Variants in DOCK2 observed in about 807,000 individuals in gnomAD.
DOCK2 encodes the protein dedicator of cytokinesis 2.
A neutral mutation model predicts 248.9 loss-of-function variants in DOCK2; 87 were observed. That is an observed-to-expected ratio of 0.35 (90% CI 0.29 to 0.42). The LOEUF is 0.42. Ranked by LOEUF, DOCK2 falls within the 10% of genes least tolerant of loss-of-function variation. The pLI is 1.00. For synonymous variants in DOCK2, 805 were observed against 821.6 expected, an observed-to-expected ratio of 0.98 and a Z score of 0.35; for missense variants, 1,747 against 2,300.2, an observed-to-expected ratio of 0.76 and a Z score of 4.92.
At chr5:169,870,278 T>C (rs1275494692) in intron 27 of DOCK2, among the ~76,000 whole-genome samples, 1 of 152,184 alleles carries the variant, frequency 6.6e-6, no homozygotes, top group Non-Finnish European at 1.5e-5. Flanking sequence ...AGATCAGTGC[T>C]CCAGCCATCA....
chr5:169,901,442 T>C (rs1040204094), intron 27 of DOCK2, among the ~76,000 whole-genome samples: 18 of 152,270 alleles, frequency 1.2e-4, no homozygotes, highest in African/African-American at 4.1e-4. Flanking sequence ...TGGGCATGCA[T>C]GCGTGCATGT....
intron 25 of DOCK2, among the ~76,000 whole-genome samples, chr5:169,790,336 T>C (rs1766253235): frequency 6.6e-6 from 1 of 152,188 alleles, no homozygotes; most frequent in Non-Finnish European, 1.5e-5. Context: ...ATGTGTGGCT[T>C]GAGGATTGTC....
At chr5:169,843,984 T>A (rs1464764785) in intron 27 of DOCK2, among the ~76,000 whole-genome samples, 1 of 152,208 alleles carries the variant, frequency 6.6e-6, no homozygotes. Flanking sequence ...TTTTTAACAT[T>A]TGACTATTAT....
chr5:169,895,138 C>T (rs1262217275), intron 27 of DOCK2, among the ~76,000 whole-genome samples: 1 of 152,186 alleles, frequency 6.6e-6, no homozygotes, highest in Non-Finnish European at 1.5e-5. Flanking sequence ...GTGTAGCACA[C>T]CTTTAATTGC....
At chr5:170,046,202 A>C (rs943349033) in intron 39 of DOCK2, among the ~76,000 whole-genome samples, 1 of 152,246 alleles carries the variant, frequency 6.6e-6, no homozygotes, top group Admixed American at 6.5e-5. Flanking sequence ...GCTGTGTTAC[A>C]TTTGCAGTAA....
intron 2 of DOCK2, among the ~76,000 whole-genome samples, chr5:169,664,991 T>G (rs532884746): frequency 4.1e-5 from 6 of 147,234 alleles, no homozygotes; most frequent in Non-Finnish European, 3.0e-5. Context: ...TATATATGTT[T>G]ATATATAAGT....
chr5:169,963,219 G>T (rs10055680), intron 27 of DOCK2, among the ~76,000 whole-genome samples: 2 of 152,172 alleles, frequency 1.3e-5, no homozygotes, highest in Admixed American at 6.5e-5. Flanking sequence ...AGTGGTCCAC[G>T]TGGGGTGGGT....
At position 169,695,675 on chromosome 5, in the gene DOCK2, G is replaced by A. The variant is rs184844141; in HGVS notation, c.844-128G>A. On this transcript the variant is annotated intron_variant, in intron 9 of 51. Coordinates refer to ENST00000520908, the MANE Select transcript of DOCK2 (RefSeq NM_004946.3). ...GTTTCTATCTTTTCCAGGACTTATTGTATGATTGGTCCATGTATAGCAAGT... is the reference window on the plus strand; with the variant it reads ...GTTTCTATCTTTTCCAGGACTTATTATATGATTGGTCCATGTATAGCAAGT... The A allele has an allele frequency of 1.4e-5, 18 of 1,298,398 alleles. No individual in the cohort carries two copies. The African/African-American group carries it at 2.2e-4, about 16-fold the overall frequency. 80.4% of individuals were successfully genotyped at this position (1,298,398 alleles called of 1,614,324 possible).
chr5:170,037,523 G>A (rs918060822), intron 36 of DOCK2, among the ~76,000 whole-genome samples: 3 of 116,938 alleles, frequency 2.6e-5, no homozygotes, highest in African/African-American at 9.5e-5. Flanking sequence ...TTTCGCTCTT[G>A]TTGCCCAGGC....
rs1178503363 is a variant in DOCK2, at chr5:170,057,656, A to G, written c.4457A>G (p.His1486Arg). 3.2e-5 allele frequency: 51 copies of G among 1,611,572 alleles called. No individual in the cohort carries two copies. Among genetic ancestry groups the G allele is most frequent in the Non-Finnish European group, 4.3e-5 (51 of 1,178,486 alleles). Residue 1486 changes from histidine to arginine, a missense_variant, in exon 44 of 52, where the codon CAC becomes CGC. This residue lies in a region of DOCK2 where 513 missense variants were observed against 586.1 expected (regional missense o/e 0.88). Transcript: ENST00000520908. ...ATCCTGCGCTGGTTTGAGGTGGTGCACATGTCGCAGGTGAGTCTGGGACAT... is the reference window on the plus strand; with the variant it reads ...ATCCTGCGCTGGTTTGAGGTGGTGCGCATGTCGCAGGTGAGTCTGGGACAT... ...PGILRWFEVV[H>R]MSQTTISPLE...
At chr5:169,788,342 C>T (rs1252549090) in intron 25 of DOCK2, among the ~76,000 whole-genome samples, 2 of 145,668 alleles carry the variant, frequency 1.4e-5, no homozygotes, top group African/African-American at 5.5e-5. Flanking sequence ...AAACCTCCTC[C>T]CTTTATTTTT....
intron 27 of DOCK2, among the ~76,000 whole-genome samples, chr5:169,913,789 A>G (rs1210069276): frequency 6.6e-6 from 1 of 152,198 alleles, no homozygotes; most frequent in African/African-American, 2.4e-5. Context: ...TTGATCAATG[A>G]GGAATTAGAT....
At chr5:169,683,263 T>C (rs1322922915) in intron 7 of DOCK2, among the ~76,000 whole-genome samples, 1 of 152,188 alleles carries the variant, frequency 6.6e-6, no homozygotes, top group East Asian at 1.9e-4. Flanking sequence ...GGTCTCTCAC[T>C]CTATCACCCA....
At position 169,943,336 on chromosome 5, in the gene DOCK2, G is replaced by T. The variant is rs561414141; in HGVS notation, c.2800-39732G>T. On this transcript the variant is annotated intron_variant, in intron 27 of 51. Coordinates refer to ENST00000520908, the MANE Select transcript of DOCK2 (RefSeq NM_004946.3). ...TGTCTAAAGGTTGATCCCACCCTGA[G>T]ATCCAGGCCCTGTGGACAGGCAATA... 3.9e-5 allele frequency among the ~76,000 whole-genome samples: 6 copies of T among 152,266 alleles called. No homozygotes were observed. In the South Asian group the frequency reaches 1.2e-3, roughly 32 times the overall value.
At chr5:169,969,377 G>A (rs549215044) in intron 27 of DOCK2, among the ~76,000 whole-genome samples, 7 of 151,900 alleles carry the variant, frequency 4.6e-5, no homozygotes, top group Non-Finnish European at 1.0e-4. Context: ...CTTGGGAGGT[G>A]GAAGTTGCAG....
At chr5:169,801,875 C>T (rs370524108) in intron 25 of DOCK2, among the ~76,000 whole-genome samples, 44 of 151,044 alleles carry the variant, frequency 2.9e-4, no homozygotes, top group Middle Eastern at 3.4e-3. Flanking sequence ...GGCAGAACCA[C>T]ATCTTATCTC....
chr5:169,817,536 C>T (rs1768141251), intron 26 of DOCK2, among the ~76,000 whole-genome samples: 1 of 152,228 alleles, frequency 6.6e-6, no homozygotes, highest in African/African-American at 2.4e-5. Flanking sequence ...CCTTCCTAAG[C>T]CTCACTCCCT....
intron 27 of DOCK2, among the ~76,000 whole-genome samples, chr5:169,847,590 A>G (rs758103515): frequency 2.6e-5 from 4 of 152,188 alleles, no homozygotes; most frequent in Non-Finnish European, 4.4e-5. Flanking sequence ...AATAAACTAT[A>G]CCATATTTGA....
At chr5:169,882,246 C>G (rs1386630189) in intron 27 of DOCK2, among the ~76,000 whole-genome samples, 3 of 152,150 alleles carry the variant, frequency 2.0e-5, no homozygotes, top group African/African-American at 7.2e-5. Context: ...CATCATGTAT[C>G]AATAGAACCC....
Sources: allele counts gnomAD v4.1 joint callset (sites outside exome capture counted in the v4.1 genomes callset), GRCh38; gene constraint gnomAD v4.1.1; regional missense constraint gnomAD v4.1.1; transcripts MANE v1.5; gene names NCBI Gene and HGNC (gene_info 2026-07-23, HGNC 2026-07-21).